The following HSD11B2 variants were observed in gnomAD, a reference collection of about 807,000 sequenced individuals.
HSD11B2 encodes 11-beta-hydroxysteroid dehydrogenase type 2.
Under a neutral mutation model 20.9 loss-of-function variants are expected in HSD11B2, and 17 were observed. That is an observed-to-expected ratio of 0.81 (90% CI 0.56 to 1.22). The LOEUF (loss-of-function observed/expected upper bound fraction) is 1.22. HSD11B2 is among the 50% of genes most tolerant of loss of function. The probability of loss-of-function intolerance (pLI) is 0.00; values close to 1 mark genes in which losing one functional copy is unlikely to be tolerated. For synonymous variants in HSD11B2, 253 were observed against 255.4 expected (o/e 0.99, Z 0.09); for missense variants, 480 against 563.6 (o/e 0.85, Z 1.50).
intron 1 of HSD11B2, chr16:67,432,914 G>C (rs1423489706): frequency 1.3e-5 from 2 of 152,254 alleles, no homozygotes; most frequent in Non-Finnish European, 2.9e-5. Flanking sequence ...GCCAGGTTGT[G>C]GGCTCTGCCT....
rs762236446 is a variant in HSD11B2, at chr16:67,436,166, C to CA, written c.664+29dup. 10 of 1,613,502 alleles carry CA rather than the reference C, an allele frequency of 6.2e-6. No homozygotes were observed. The African/African-American group carries it at 6.7e-5, about 11-fold the overall frequency. Reference sequence around the variant, plus strand: ...GGGTGAGTGCCCCCCCCCACTGGAGCAAAAAGGAGCCCCCTGGGGTGGGGG... The same window carrying CA: ...GGGTGAGTGCCCCCCCCCACTGGAGCAAAAAAGGAGCCCCCTGGGGTGGGGG... On this transcript the variant is annotated intron_variant, in intron 3 of 4. Coordinates refer to ENST00000326152, the MANE Select transcript of HSD11B2 (RefSeq NM_000196.4). This position sits in a 1 kb window ranked among gnomAD's most constrained non-coding sequence, Gnocchi z 5.7.
rs56271438 is a variant in HSD11B2, at chr16:67,435,488, A to C, written c.266-140A>C. The C allele has an allele frequency of 2.0e-3, 1,430 of 723,170 alleles. 14 individuals are homozygous for C. In the African/African-American group the frequency reaches 0.021, roughly 11 times the overall value. The allele number at this position is 723,170 out of a possible 1,614,324, so 44.8% of individuals were successfully genotyped here. A position where few individuals can be genotyped will look rare whatever the true frequency, so the allele number is the denominator to read the frequency against. On this transcript the variant is annotated intron_variant, in intron 1 of 4. Coordinates refer to ENST00000326152, the MANE Select transcript of HSD11B2 (RefSeq NM_000196.4). ...GACACAGCCTGCCAGGGATGGGCCT[A>C]GGGAAGGAGTTAGGGTTGTTGACTG...
rs2040929469 is a variant in HSD11B2 at position 67,431,186 on chromosome 16, GCT to G, written c.-55_-54del. ...CCGCACTCCGCGCCCCGGCCTAGAAGCTCTCTCTCCCCGCTCCCCGGCCCGGC... is the reference window on the plus strand; with the variant it reads ...CCGCACTCCGCGCCCCGGCCTAGAAGCTCTCTCCCCGCTCCCCGGCCCGGC... On this transcript the variant is annotated 5_prime_UTR_variant, in exon 1 of 5. Coordinates refer to ENST00000326152, the MANE Select transcript of HSD11B2 (RefSeq NM_000196.4). The G allele has an allele frequency of 2.0e-6, 2 of 981,486 alleles. No homozygotes were observed. The highest frequency in any genetic ancestry group is 1.7e-5 in the African/African-American group (1 of 57,398). The allele number at this position is 981,486 out of a possible 1,614,324, so 60.8% of individuals were successfully genotyped here. A position where few individuals can be genotyped will look rare whatever the true frequency, so the allele number is the denominator to read the frequency against.
chr16:67,436,386 G>A lies in HSD11B2; in HGVS notation c.802G>A (p.Glu268Lys), dbSNP rs1567530663. 1 of 1,608,630 alleles carries A rather than the reference G, an allele frequency of 6.2e-7. No individual in the cohort carries two copies. The highest frequency in any genetic ancestry group is 1.3e-5 in the African/African-American group (1 of 74,620). Residue 268 changes from glutamate to lysine, a missense_variant and splice_region_variant, in exon 4 of 5, where the codon GAG becomes AAG. Around this residue, in one of 2 missense-constraint regions of HSD11B2, gnomAD observed 374 missense variants for 480.9 expected, o/e 0.78. Transcript: ENST00000326152. The surrounding 1 kb of genome is among the most constrained non-coding windows in gnomAD (Gnocchi z 5.7). ...SIIQPGCFKT[E>K]SVRNVGQWEK... The stretch of plus-strand genomic sequence containing the variant: ...CATCCAGCCTGGCTGCTTCAAGACA[G>A]GTGGGAATCAGGGCTGGGGGTGGGG...
chr16:67,437,228 C>T lies in HSD11B2; in HGVS notation c.*225C>T, dbSNP rs1233243445. On this transcript the variant is annotated 3_prime_UTR_variant, in exon 5 of 5. Coordinates refer to ENST00000326152, the MANE Select transcript of HSD11B2 (RefSeq NM_000196.4). ...CTCCACTGTTTCATGAGCCCAAACA[C>T]CCTCCTGGCACAACGCTCTACCCTG... 2.5e-5 allele frequency: 15 copies of T among 599,894 alleles called. No individual in the cohort carries two copies. The highest frequency in any genetic ancestry group is 4.5e-5 in the Non-Finnish European group (15 of 337,018). 37.2% of individuals were successfully genotyped at this position (599,894 alleles called of 1,614,324 possible).
rs5479 is a variant in HSD11B2, at chr16:67,435,830, C to G, written c.468C>G (p.Thr156=). 3 of 1,614,002 alleles carry G rather than the reference C, an allele frequency of 1.9e-6. No homozygotes were observed. The highest frequency in any genetic ancestry group is 2.5e-6 in the Non-Finnish European group (3 of 1,180,030). ...SRVLEFTKAH[T]TSTGLWGLVN... ...TGCTAGAGTTCACCAAGGCCCACACCACCAGCACCGGTCAGTGGCAAGTGT... is the reference window on the plus strand; with the variant it reads ...TGCTAGAGTTCACCAAGGCCCACACGACCAGCACCGGTCAGTGGCAAGTGT... The change falls in exon 2 of 5, where the codon ACC becomes ACG. Residue 156 remains threonine, a synonymous_variant. Transcript: ENST00000326152.
chr16:67,431,521 C>A lies in HSD11B2; in HGVS notation c.265+8C>A. Reference sequence around the variant, plus strand: ...GCGCGGTGCTCATCACCGGTGAGTGCGCGGGTCGCGGAGCGCGGGGACTCC... The same window carrying A: ...GCGCGGTGCTCATCACCGGTGAGTGAGCGGGTCGCGGAGCGCGGGGACTCC... On this transcript the variant is annotated splice_region_variant and intron_variant, in intron 1 of 4. Transcript: ENST00000326152. 7.3e-7 allele frequency: 1 copy of A among 1,371,878 alleles called. No homozygotes were observed. The highest frequency in any genetic ancestry group is 1.5e-5 in the African/African-American group (1 of 66,398). 85.0% of individuals were successfully genotyped at this position (1,371,878 alleles called of 1,614,324 possible).
chr16:67,429,855 G>A (rs1470975160), upstream of HSD11B2, among the ~76,000 whole-genome samples: 1 of 152,194 alleles, frequency 6.6e-6, no homozygotes, highest in Non-Finnish European at 1.5e-5. Flanking sequence ...GGGCTTTGGA[G>A]GAGGCATTGC....
chr16:67,430,911 A>C, upstream of HSD11B2: 1 of 131,542 alleles, frequency 7.6e-6, no homozygotes, highest in Non-Finnish European at 1.5e-5. This position sits in a 1 kb window ranked among gnomAD's most constrained non-coding sequence, Gnocchi z 5.4. Context: ...GCCCGCAGCC[A>C]GGCGGCTCCT....
chr16:67,431,307 TG>T lies in HSD11B2; in HGVS notation c.60del (p.Leu21CysfsTer96). ...GAWLLVAARA[L>X]LQLLRSDLRL... ...TGGCTGCTCGTGGCTGCCCGCGCGC[TG>T]CTGCAGCTGCTGCGCTCAGACCTGC... On this transcript the variant is annotated frameshift_variant, in exon 1 of 5. Coordinates refer to ENST00000326152, the MANE Select transcript of HSD11B2 (RefSeq NM_000196.4). LOFTEE classifies it high-confidence loss of function. 1 of 1,257,054 alleles carries T rather than the reference TG, an allele frequency of 8.0e-7. No individual in the cohort carries two copies. The highest frequency in any genetic ancestry group is 1.0e-6 in the Non-Finnish European group (1 of 990,824). 77.9% of individuals were successfully genotyped at this position (1,257,054 alleles called of 1,614,324 possible).
chr16:67,437,040 G>C lies in HSD11B2; in HGVS notation c.*37G>C. 1 of 1,593,506 alleles carries C rather than the reference G, an allele frequency of 6.3e-7. No homozygotes were observed. The highest frequency in any genetic ancestry group is 8.5e-7 in the Non-Finnish European group (1 of 1,173,078). Reference sequence around the variant, plus strand: ...CTATGGCCCAGCCACTGCAGCACAGGAGGCTCCGTGAGCCCTTGGTTCCTC... The same window carrying C: ...CTATGGCCCAGCCACTGCAGCACAGCAGGCTCCGTGAGCCCTTGGTTCCTC... On this transcript the variant is annotated 3_prime_UTR_variant, in exon 5 of 5. Coordinates refer to ENST00000326152, the MANE Select transcript of HSD11B2 (RefSeq NM_000196.4).
rs775264177 is a variant in HSD11B2 at position 67,435,829 on chromosome 16, C to T, written c.467C>T (p.Thr156Ile). 22 of 1,614,080 alleles carry T rather than the reference C, an allele frequency of 1.4e-5. No homozygotes were observed. The South Asian group carries it at 2.2e-4, about 16-fold the overall frequency. Residue 156 changes from threonine to isoleucine, a missense_variant, in exon 2 of 5, where the codon ACC (threonine) becomes ATC (isoleucine). Around this residue, in one of 2 missense-constraint regions of HSD11B2, gnomAD observed 374 missense variants for 480.9 expected, o/e 0.78. Coordinates refer to ENST00000326152, the MANE Select transcript of HSD11B2 (RefSeq NM_000196.4). ...GTGCTAGAGTTCACCAAGGCCCACA[C>T]CACCAGCACCGGTCAGTGGCAAGTG... The part of the protein sequence containing the change: ...SRVLEFTKAH[T>I]TSTGLWGLVN...
chr16:67,435,133 G>C (rs752550017), intron 1 of HSD11B2, among the ~76,000 whole-genome samples: 17 of 151,780 alleles, frequency 1.1e-4, no homozygotes, highest in Non-Finnish European at 2.1e-4. Flanking sequence ...GGGCCCAGGA[G>C]GGGAGGTTGC....
chr16:67,433,000 G>C (rs1282558321), intron 1 of HSD11B2: 1 of 152,228 alleles, frequency 6.6e-6, no homozygotes, highest in Non-Finnish European at 1.5e-5. Flanking sequence ...GCAGGTACTA[G>C]TGGCCTAGCT....
Position 67,437,064 on chromosome 16 carries a change from TC to T in HSD11B2, c.*65del. 6.5e-7 allele frequency: 1 copy of T among 1,539,898 alleles called. No individual in the cohort carries two copies. ...GGAGGCTCCGTGAGCCCTTGGTTCC[TC>T]CCCGAAAACCCCCAGCATTACGATC... On this transcript the variant is annotated 3_prime_UTR_variant, in exon 5 of 5. Coordinates refer to ENST00000326152, the MANE Select transcript of HSD11B2 (RefSeq NM_000196.4).
chr16:67,437,179 G>A lies in HSD11B2; in HGVS notation c.*176G>A, dbSNP rs1203956720. ...CCAATCCAGGCCCGGTGAGGCCAAG[G>A]TTTCCCAGTGAGCCTCTGCGCCTCT... On this transcript the variant is annotated 3_prime_UTR_variant, in exon 5 of 5. Transcript: ENST00000326152. 25 of 668,990 alleles carry A rather than the reference G, an allele frequency of 3.7e-5. No homozygotes were observed. Among genetic ancestry groups the A allele is most frequent in the East Asian group, 8.2e-5 (3 of 36,622 alleles). The allele number at this position is 668,990 out of a possible 1,614,324, so 41.4% of individuals were successfully genotyped here. A position where few individuals can be genotyped will look rare whatever the true frequency, so the allele number is the denominator to read the frequency against.
Position 67,431,194 on chromosome 16 carries a change from T to A in HSD11B2, c.-55T>A. Reference sequence around the variant, plus strand: ...CGCGCCCCGGCCTAGAAGCTCTCTCTCCCCGCTCCCCGGCCCGGCCCCCGC... The same window carrying A: ...CGCGCCCCGGCCTAGAAGCTCTCTCACCCCGCTCCCCGGCCCGGCCCCCGC... On this transcript the variant is annotated 5_prime_UTR_variant, in exon 1 of 5. Coordinates refer to ENST00000326152, the MANE Select transcript of HSD11B2 (RefSeq NM_000196.4). 9.7e-7 allele frequency: 1 copy of A among 1,034,718 alleles called. No individual in the cohort carries two copies. Among genetic ancestry groups the A allele is most frequent in the South Asian group, 4.2e-5 (1 of 23,744 alleles). The allele number at this position is 1,034,718 out of a possible 1,614,324, so 64.1% of individuals were successfully genotyped here. A position where few individuals can be genotyped will look rare whatever the true frequency, so the allele number is the denominator to read the frequency against.
In HSD11B2 at chr16:67,436,259, A is replaced by T; in HGVS notation, c.675A>T (p.Pro225=). Residue 225 remains proline (P), a synonymous_variant, in exon 4 of 5, where the codon CCA becomes CCT. Coordinates refer to ENST00000326152, the MANE Select transcript of HSD11B2 (RefSeq NM_000196.4). The surrounding 1 kb of genome is among the most constrained non-coding windows in gnomAD (Gnocchi z 5.7). ...CCAATCCATCCGCAGGGGACATGCC[A>T]TATCCGTGCTTGGGGGCCTATGGAA... ...VTVGSPAGDM[P]YPCLGAYGTS... 6.2e-7 allele frequency: 1 copy of T among 1,614,034 alleles called. No homozygotes were observed. The highest frequency in any genetic ancestry group is 1.1e-5 in the South Asian group (1 of 91,088).
chr16:67,437,042 G>A lies in HSD11B2; in HGVS notation c.*39G>A, dbSNP rs574787024. ...ATGGCCCAGCCACTGCAGCACAGGAGGCTCCGTGAGCCCTTGGTTCCTCCC... is the reference window on the plus strand; with the variant it reads ...ATGGCCCAGCCACTGCAGCACAGGAAGCTCCGTGAGCCCTTGGTTCCTCCC... On this transcript the variant is annotated 3_prime_UTR_variant, in exon 5 of 5. Coordinates refer to ENST00000326152, the MANE Select transcript of HSD11B2 (RefSeq NM_000196.4). 3.1e-6 allele frequency: 5 copies of A among 1,593,404 alleles called. No individual in the cohort carries two copies. The African/African-American group carries it at 4.0e-5, about 13-fold the overall frequency.
Sources: allele counts gnomAD v4.1 joint callset (sites outside exome capture counted in the v4.1 genomes callset), GRCh38; gene constraint gnomAD v4.1.1; regional missense constraint gnomAD v4.1.1; non-coding constraint Gnocchi (gnomAD v3.1); transcripts MANE v1.5; gene names NCBI Gene and HGNC (gene_info 2026-07-23, HGNC 2026-07-21).